WDR1: variants seen among roughly 807,000 people sequenced by gnomAD.
WDR1 encodes the protein WD repeat-containing protein 1.
A neutral mutation model predicts 71.9 loss-of-function variants in WDR1; 21 were observed. The observed-to-expected ratio is 0.29, with a 90% CI of 0.21 to 0.42. WDR1 has a LOEUF of 0.42. WDR1 is among the 10% of genes least tolerant of loss of function. The probability of loss-of-function intolerance (pLI) is 1.00; values close to 1 mark genes in which losing one functional copy is unlikely to be tolerated. For missense variants in WDR1, 696 were observed against 824.5 expected (o/e 0.84, Z 1.91); for synonymous variants, 424 against 347.4 (o/e 1.22, Z -2.45).
intron 12 of WDR1, among the ~76,000 whole-genome samples, chr4:10,078,362 C>T (rs1764879386): frequency 6.6e-6 from 1 of 152,236 alleles, no homozygotes; most frequent in South Asian, 2.1e-4. Flanking sequence ...TGGCCAGGCA[C>T]ACTGTGACCA....
intron 8 of WDR1, among the ~76,000 whole-genome samples, chr4:10,086,403 G>A (rs1711554940): frequency 6.6e-6 from 1 of 152,172 alleles, no homozygotes. Flanking sequence ...CACTGCCCCG[G>A]CACAAAGGAA....
rs5856034 is a variant in WDR1 at position 10,103,289 on chromosome 4, GACACACACACACACACAC to G, written c.229+589_229+606del. 5.1e-3 allele frequency among the ~76,000 whole-genome samples: 751 copies of G among 147,020 alleles called. 9 individuals carry two copies. Among genetic ancestry groups the G allele is most frequent in the African/African-American group, 0.018 (709 of 40,214 alleles). On this transcript the variant is annotated intron_variant, in intron 3 of 14. Coordinates refer to ENST00000499869, the MANE Select transcript of WDR1 (RefSeq NM_017491.5). ...ACATACACACACACACACACACACA[GACACACACACACACACAC>G]ACACACACACACACACGGCCCACAA... is the stretch of plus-strand genomic sequence containing the variant.
intron 2 of WDR1, among the ~76,000 whole-genome samples, chr4:10,114,972 A>T (rs991939194): frequency 2.0e-5 from 3 of 152,220 alleles, no homozygotes; most frequent in African/African-American, 7.2e-5. Context: ...ACAGAGAAGG[A>T]AACTGAGACC....
intron 2 of WDR1, among the ~76,000 whole-genome samples, chr4:10,110,847 C>T (rs946938917): frequency 2.6e-5 from 4 of 152,208 alleles, no homozygotes; most frequent in East Asian, 1.9e-4. Flanking sequence ...ATACCAGTGG[C>T]ACAAAAATGT....
chr4:10,081,484 G>A (rs748105848), intron 10 of WDR1, 40 bp from the exon 11 acceptor site: 3 of 1,589,118 alleles, frequency 1.9e-6, no homozygotes, highest in South Asian at 2.2e-5. Flanking sequence ...CGACAATGCA[G>A]CAGCTCAGGG....
chr4:10,109,241 A>C (rs1713204713), intron 2 of WDR1, among the ~76,000 whole-genome samples: 1 of 150,786 alleles, frequency 6.6e-6, no homozygotes, highest in Non-Finnish European at 1.5e-5. Context: ...GCCAGACCTG[A>C]ACTCAGGGCC....
rs374310586 is a variant in WDR1, at chr4:10,097,771, G to C, written c.498C>G (p.Ser166Arg). 2 of 1,613,722 alleles carry C rather than the reference G, an allele frequency of 1.2e-6. No homozygotes were observed. The highest frequency in any genetic ancestry group is 1.7e-6 in the Non-Finnish European group (2 of 1,179,770). ...QSRPYRLATG[S>R]DDNCAAFFEG... ...CAAAGAATGCCGCGCAGTTATCATCGCTTCCCGTGGCCAGCCGGTATGGCC... is the reference window on the plus strand; with the variant it reads ...CAAAGAATGCCGCGCAGTTATCATCCCTTCCCGTGGCCAGCCGGTATGGCC... The change falls in exon 5 of 15, where the codon AGC becomes AGG. Residue 166 changes from serine to arginine, a missense_variant. By Grantham distance (110) the Ser-to-Arg change is moderately radical. Transcript: ENST00000499869.
Position 10,116,706 on chromosome 4 carries a change from TCC to T in WDR1, c.-42_-41del. 7.5e-7 allele frequency: 1 copy of T among 1,338,298 alleles called. No individual in the cohort carries two copies. Among genetic ancestry groups the T allele is most frequent in the Non-Finnish European group, 9.6e-7 (1 of 1,038,450 alleles). 82.9% of individuals were successfully genotyped at this position (1,338,298 alleles called of 1,614,324 possible). On this transcript the variant is annotated 5_prime_UTR_variant, in exon 1 of 15. Transcript: ENST00000499869. ...TACCGCGCCGCGCTCGCCGAGAGCC[TCC>T]GGGGCCGGCCCGCGCTGCGAATTAC...
At chr4:10,093,610 A>C (rs1467121057) in intron 5 of WDR1, among the ~76,000 whole-genome samples, 1 of 152,218 alleles carries the variant, frequency 6.6e-6, no homozygotes, top group African/African-American at 2.4e-5. Context: ...ATATGAAGGG[A>C]CAAGAGGCTC....
At chr4:10,100,993 C>T (rs552552287) in intron 3 of WDR1, among the ~76,000 whole-genome samples, 3 of 152,364 alleles carry the variant, frequency 2.0e-5, no homozygotes, top group East Asian at 3.9e-4. Flanking sequence ...AGGCAGAGGG[C>T]GTCCCACCCT....
chr4:10,099,899 G>A (rs1268003237), intron 3 of WDR1, among the ~76,000 whole-genome samples: 1 of 152,208 alleles, frequency 6.6e-6, no homozygotes, highest in Non-Finnish European at 1.5e-5. Context: ...TCACCGGAGC[G>A]TGGGCAGCCA....
chr4:10,093,896 C>A (rs1294799258), intron 5 of WDR1, among the ~76,000 whole-genome samples: 2 of 152,256 alleles, frequency 1.3e-5, no homozygotes, highest in Non-Finnish European at 2.9e-5. Flanking sequence ...AGAAAAACCA[C>A]CAGAAACCTT....
rs1764741566 is a variant in WDR1 at position 10,074,960 on chromosome 4, C to G, written c.*418G>C. ...CTGCAATGCATATTCCCTCTTCTCACTAGTACAGAAATGTTCTGCAGGCAG... is the reference window on the plus strand; with the variant it reads ...CTGCAATGCATATTCCCTCTTCTCAGTAGTACAGAAATGTTCTGCAGGCAG... On this transcript the variant is annotated 3_prime_UTR_variant, in exon 15 of 15. Transcript: ENST00000499869. 2 of 222,784 alleles carry G rather than the reference C, an allele frequency of 9.0e-6. No individual in the cohort carries two copies. The highest frequency in any genetic ancestry group is 1.1e-4 in the Admixed American group (2 of 18,932). 13.8% of individuals were successfully genotyped at this position (222,784 alleles called of 1,614,324 possible). A position where few individuals can be genotyped will look rare whatever the true frequency, so the allele number is the denominator to read the frequency against.
intron 4 of WDR1, 78 bp downstream of exon 4, chr4:10,098,914 T>A: frequency 6.3e-7 from 1 of 1,587,792 alleles, no homozygotes; most frequent in Middle Eastern, 1.9e-4. Flanking sequence ...CATCAGCGCA[T>A]CCCCCTCCCA....
chr4:10,081,236 C>A (rs185599356), intron 11 of WDR1, 121 bp downstream of exon 11: 6 of 833,902 alleles, frequency 7.2e-6, no homozygotes, highest in African/African-American at 1.7e-5. Context: ...TAGTGCAGTG[C>A]AAATGAGCAC....
chr4:10,083,717 C>G (rs2109647189), intron 9 of WDR1: 1 of 457,350 alleles, frequency 2.2e-6, no homozygotes, highest in East Asian at 6.9e-5. Context: ...TGTGGGCATC[C>G]CTGCCCAGGC....
At chr4:10,077,040 G>C in intron 14 of WDR1, 1 of 461,290 alleles carries the variant, frequency 2.2e-6, no homozygotes, top group Non-Finnish European at 3.9e-6. Context: ...GGGGTGAGTG[G>C]GGGAAGTGAA....
intron 2 of WDR1, among the ~76,000 whole-genome samples, chr4:10,107,400 C>A (rs1165993396): frequency 6.6e-6 from 1 of 152,212 alleles, no homozygotes; most frequent in Non-Finnish European, 1.5e-5. Context: ...CATCTCCACC[C>A]TCCACCAAGC....
At chr4:10,104,677 C>T (rs970824609) in intron 2 of WDR1, among the ~76,000 whole-genome samples, 1 of 152,200 alleles carries the variant, frequency 6.6e-6, no homozygotes, top group African/African-American at 2.4e-5. Context: ...CCGGCATACA[C>T]ACACACGCAG....
Sources: gnomAD v4.1 joint callset for allele counts (sites outside exome capture counted in the v4.1 genomes callset) on GRCh38, gnomAD v4.1.1 for gene constraint, MANE v1.5 for transcripts, NCBI Gene and HGNC (gene_info 2026-07-23, HGNC 2026-07-21) for gene names.